The following ADGB variants were observed in gnomAD, a reference collection of about 807,000 sequenced individuals.
ADGB encodes the protein androglobin.
A neutral mutation model predicts 210.5 loss-of-function variants in ADGB; 172 were observed. The ratio of observed to expected loss-of-function variants is 0.82; its 90% CI spans 0.72 to 0.93. ADGB has a LOEUF of 0.93. Ranked by LOEUF, ADGB falls within the 40% of genes least tolerant of loss-of-function variation. The probability of loss-of-function intolerance (pLI) is 0.00; values close to 1 mark genes in which losing one functional copy is unlikely to be tolerated. For synonymous variants in ADGB, 658 were observed against 662.7 expected, an observed-to-expected ratio of 0.99 and a Z score of 0.11; for missense variants, 2,025 against 1,964.8, an observed-to-expected ratio of 1.03 and a Z score of -0.58.
intron 33 of ADGB, among the ~76,000 whole-genome samples, chr6:146,791,062 G>C (rs1467146901): frequency 2.0e-5 from 3 of 152,040 alleles, no homozygotes; most frequent in Non-Finnish European, 2.9e-5. Flanking sequence ...TTATTGAGTA[G>C]CTTAAGTTCC....
intron 35 of ADGB, chr6:146,807,370 A>G (rs1583649380): frequency 1.3e-6 from 2 of 1,545,632 alleles, no homozygotes; most frequent in East Asian, 4.9e-5. Context: ...TTACCAGTGG[A>G]ATTATTTGTT....
chr6:146,734,146 C>G (rs577506855), intron 22 of ADGB, 116 bp downstream of exon 22: 3 of 1,026,076 alleles, frequency 2.9e-6, no homozygotes, highest in African/African-American at 3.3e-5. Flanking sequence ...TTTCAGTCCT[C>G]TAAATAATGA....
chr6:146,654,894 G>T (rs1432916465), intron 4 of ADGB, among the ~76,000 whole-genome samples: 2 of 152,030 alleles, frequency 1.3e-5, no homozygotes, highest in African/African-American at 4.8e-5. Context: ...CTGCATTGTT[G>T]CAAGTAAATC....
intron 9 of ADGB, among the ~76,000 whole-genome samples, chr6:146,680,520 T>C (rs1297555355): frequency 6.6e-6 from 1 of 152,176 alleles, no homozygotes; most frequent in African/African-American, 2.4e-5. Context: ...TGGTGTCTGC[T>C]TAACAGTAGA....
intron 3 of ADGB, among the ~76,000 whole-genome samples, chr6:146,653,135 T>G (rs1775727973): frequency 6.6e-6 from 1 of 152,076 alleles, no homozygotes. Flanking sequence ...CTAGGTTGCA[T>G]GCTCCTTATG....
At chr6:146,808,990 C>A (rs1267946002) in intron 35 of ADGB, among the ~76,000 whole-genome samples, 2 of 151,524 alleles carry the variant, frequency 1.3e-5, no homozygotes, top group Non-Finnish European at 2.9e-5. Flanking sequence ...GGAGCCCACG[C>A]TATTTATTGG....
At chr6:146,685,128 C>A (rs1418084208) in intron 9 of ADGB, among the ~76,000 whole-genome samples, 2 of 151,478 alleles carry the variant, frequency 1.3e-5, no homozygotes, top group Non-Finnish European at 1.5e-5. Context: ...ATTTGCAGGA[C>A]CAAAAAATAC....
At chr6:146,712,471 G>A (rs1471492373) in intron 13 of ADGB, among the ~76,000 whole-genome samples, 3 of 152,006 alleles carry the variant, frequency 2.0e-5, no homozygotes, top group African/African-American at 7.2e-5. Flanking sequence ...ACAGGTGTGA[G>A]CCACCATGCC....
At chr6:146,695,588 G>C (rs1032203674) in intron 12 of ADGB, among the ~76,000 whole-genome samples, 2 of 151,652 alleles carry the variant, frequency 1.3e-5, no homozygotes, top group African/African-American at 2.4e-5. Context: ...ATGGGGCTAT[G>C]TAAAATTTTT....
At chr6:146,718,346 C>CAAAAA (rs34547633) in intron 16 of ADGB, among the ~76,000 whole-genome samples, 1 of 80,156 alleles carries the variant, frequency 1.2e-5, no homozygotes, top group Non-Finnish European at 2.4e-5. Context: ...GATTCCATCT[C>CAAAAA]AAAAAAAAAA....
chr6:146,738,109 T>C (rs1353347987), intron 23 of ADGB, among the ~76,000 whole-genome samples: 2 of 152,214 alleles, frequency 1.3e-5, no homozygotes, highest in South Asian at 2.1e-4. Context: ...TAAGATAAGA[T>C]TCTTATCCTC....
At chr6:146,649,456 A>G (rs1304067554) in intron 3 of ADGB, among the ~76,000 whole-genome samples, 1 of 151,838 alleles carries the variant, frequency 6.6e-6, no homozygotes, top group East Asian at 1.9e-4. Flanking sequence ...ATGTATACTG[A>G]TGATTCTGAA....
chr6:146,691,005 T>A (rs1053931706), intron 10 of ADGB, 111 bp from the exon 11 acceptor site: 240 of 804,452 alleles, frequency 3.0e-4, no homozygotes, highest in Middle Eastern at 4.1e-4. Context: ...ATTGGGTGAT[T>A]TTTTTTCTTA....
intron 14 of ADGB, among the ~76,000 whole-genome samples, chr6:146,716,444 T>A (rs188793135): frequency 7.2e-6 from 1 of 138,566 alleles, no homozygotes; most frequent in Non-Finnish European, 1.5e-5. Flanking sequence ...ACAAAAAAAA[T>A]TAGCCGGGCG....
In ADGB at chr6:146,721,524, A is replaced by C. The variant is rs114672266; in HGVS notation, c.2095+19A>C. ...TATGGAGGTAAGAGGGCTCTGAGAA[A>C]ATGATAGCCTTAAAGCCTAGATCAT... On this transcript the variant is annotated intron_variant, in intron 17 of 35. Transcript: ENST00000397944. The C allele has an allele frequency of 3.0e-3, 3,175 of 1,068,872 alleles. 51 individuals are homozygous for C. In the African/African-American group the frequency reaches 0.085, roughly 28 times the overall value. 66.2% of individuals were successfully genotyped at this position (1,068,872 alleles called of 1,614,324 possible). A position where few individuals can be genotyped will look rare whatever the true frequency, so the allele number is the denominator to read the frequency against.
intron 1 of ADGB, among the ~76,000 whole-genome samples, chr6:146,615,269 G>C (rs1431027679): frequency 6.7e-6 from 1 of 149,208 alleles, no homozygotes; most frequent in Non-Finnish European, 1.5e-5. Context: ...TCATCACCAA[G>C]AGGATTGTGC....
At chr6:146,684,921 TTGGC>T (rs1776202166) in intron 9 of ADGB, among the ~76,000 whole-genome samples, 2 of 152,088 alleles carry the variant, frequency 1.3e-5, no homozygotes, top group Non-Finnish European at 2.9e-5. Context: ...TTCTCTAAGT[TTGGC>T]AGATTTTCAT....
chr6:146,768,286 T>A (rs1200393528), intron 28 of ADGB, among the ~76,000 whole-genome samples: 1 of 152,124 alleles, frequency 6.6e-6, no homozygotes, highest in African/African-American at 2.4e-5. Flanking sequence ...AATTCACAAA[T>A]AGCTAACGGA....
chr6:146,807,346 G>A (rs1778227294), intron 35 of ADGB: 1 of 1,500,644 alleles, frequency 6.7e-7, no homozygotes, highest in Non-Finnish European at 8.9e-7. Flanking sequence ...TTTTCTTTCT[G>A]GGAACGTAAG....
Sources: gnomAD v4.1 joint callset for allele counts (sites outside exome capture counted in the v4.1 genomes callset) on GRCh38, gnomAD v4.1.1 for gene constraint, MANE v1.5 for transcripts, NCBI Gene and HGNC (gene_info 2026-07-23, HGNC 2026-07-21) for gene names.